Variants in GRIK2 observed in about 807,000 individuals in gnomAD.
The protein encoded by GRIK2 is glutamate receptor ionotropic, kainate 2.
GRIK2 carries 32 observed loss-of-function variants against 100.3 expected under a neutral mutation model. The observed-to-expected ratio is 0.32, with a 90% confidence interval of 0.24 to 0.43. GRIK2 has a LOEUF of 0.43. GRIK2 is among the 20% of genes least tolerant of loss of function. GRIK2 has a pLI of 1.00. For synonymous variants in GRIK2, 417 were observed against 389.4 expected, an observed-to-expected ratio of 1.07 and a Z score of -0.83; for missense variants, 843 against 1,114.9, an observed-to-expected ratio of 0.76 and a Z score of 3.47.
intron 4 of GRIK2, among the ~76,000 whole-genome samples, chr6:101,631,557 C>A (rs912382351): frequency 6.6e-6 from 1 of 152,076 alleles, no homozygotes; most frequent in Admixed American, 6.6e-5. Flanking sequence ...TCTGTGTGTC[C>A]CAAAGGAAAC....
intron 2 of GRIK2, among the ~76,000 whole-genome samples, chr6:101,586,752 T>C (rs183601684): frequency 1.3e-5 from 2 of 150,840 alleles, no homozygotes; most frequent in African/African-American, 4.9e-5. Context: ...TAGCCAGGTG[T>C]GGTGGCACAT....
intron 7 of GRIK2, among the ~76,000 whole-genome samples, chr6:101,777,745 A>G (rs979132371): frequency 4.6e-5 from 7 of 152,218 alleles, no homozygotes; most frequent in African/African-American, 1.4e-4. Context: ...TCTGAGATGT[A>G]GGAGTTCCAG....
intron 7 of GRIK2, among the ~76,000 whole-genome samples, chr6:101,780,104 T>G (rs1396234982): frequency 9.2e-5 from 14 of 152,198 alleles, no homozygotes; most frequent in Admixed American, 9.2e-4. Context: ...CCCTGAAGCA[T>G]TCTTTAGAGG....
At chr6:101,848,250 T>C (rs1191351751) in intron 10 of GRIK2, among the ~76,000 whole-genome samples, 2 of 152,116 alleles carry the variant, frequency 1.3e-5, no homozygotes, top group Non-Finnish European at 2.9e-5. Flanking sequence ...CACTAAACAT[T>C]TCCTTGTCGT....
At position 101,971,098 on chromosome 6, in the gene GRIK2, T is replaced by C. The variant is rs1026229636; in HGVS notation, c.2085+42466T>C. Among the ~76,000 whole-genome samples the C allele has an allele frequency of 3.3e-5, 5 of 150,874 alleles. 1 individual carries two copies. Among genetic ancestry groups the C allele is most frequent in the African/African-American group, 1.2e-4 (5 of 40,310 alleles). On this transcript the variant is annotated intron_variant, in intron 14 of 16. Transcript: ENST00000369134. ...TACTTCTAAATTTTAGAAAAAGTTG[T>C]GAATTTTGAAATTTTTTCAGAAATT...
At chr6:101,994,528 A>G (rs572140820) in intron 14 of GRIK2, among the ~76,000 whole-genome samples, 1 of 151,852 alleles carries the variant, frequency 6.6e-6, no homozygotes, top group Non-Finnish European at 1.5e-5. Flanking sequence ...TTATTAAATT[A>G]TGTGATTTTT....
chr6:102,048,040 G>C (rs983886613), intron 15 of GRIK2, among the ~76,000 whole-genome samples: 4 of 145,032 alleles, frequency 2.8e-5, no homozygotes, highest in African/African-American at 1.0e-4. Context: ...CAATGGAACT[G>C]TATGGAGGGT....
chr6:101,979,936 A>G (rs1582658895), intron 14 of GRIK2, among the ~76,000 whole-genome samples: 1 of 152,086 alleles, frequency 6.6e-6, no homozygotes, highest in Middle Eastern at 3.4e-3. Flanking sequence ...AGCAAGAACC[A>G]ATTAAAGCTG....
chr6:101,630,894 T>C (rs1780710083), intron 4 of GRIK2, among the ~76,000 whole-genome samples: 1 of 152,154 alleles, frequency 6.6e-6, no homozygotes, highest in South Asian at 2.1e-4. Flanking sequence ...TTATTTATTA[T>C]GTATGCTGTT....
At chr6:101,739,316 T>G (rs899051836) in intron 7 of GRIK2, among the ~76,000 whole-genome samples, 10 of 152,234 alleles carry the variant, frequency 6.6e-5, no homozygotes, top group African/African-American at 2.2e-4. Flanking sequence ...TATTTAAAAC[T>G]CTTCCATTAA....
intron 7 of GRIK2, among the ~76,000 whole-genome samples, chr6:101,719,660 G>A (rs913269750): frequency 6.6e-6 from 1 of 151,942 alleles, no homozygotes; most frequent in Non-Finnish European, 1.5e-5. Flanking sequence ...TTGTGTGGAG[G>A]TGATTGCACA....
At chr6:101,891,100 A>G (rs1787035379) in intron 12 of GRIK2, among the ~76,000 whole-genome samples, 1 of 150,536 alleles carries the variant, frequency 6.6e-6, no homozygotes, top group African/African-American at 2.5e-5. Flanking sequence ...GTATTTGTAA[A>G]TAATCGAACT....
At chr6:101,989,626 T>G (rs1425049080) in intron 14 of GRIK2, among the ~76,000 whole-genome samples, 1 of 151,648 alleles carries the variant, frequency 6.6e-6, no homozygotes, top group Non-Finnish European at 1.5e-5. Flanking sequence ...AGTAATGATT[T>G]ATTTTATAAG....
At chr6:101,695,999 A>T (rs1259023311) in intron 7 of GRIK2, among the ~76,000 whole-genome samples, 1 of 152,040 alleles carries the variant, frequency 6.6e-6, no homozygotes, top group Non-Finnish European at 1.5e-5. Flanking sequence ...AAAAAAAATC[A>T]CAAGCTGCAC....
At chr6:101,944,383 A>C (rs537472023) in intron 14 of GRIK2, among the ~76,000 whole-genome samples, 6 of 152,366 alleles carry the variant, frequency 3.9e-5, no homozygotes, top group African/African-American at 1.4e-4. Flanking sequence ...CAAGTGTCAT[A>C]GACACAGTTG....
Position 102,069,625 on chromosome 6 carries a change from G to A in GRIK2, c.*1114G>A, listed in dbSNP as rs935135867. The A allele has an allele frequency of 2.0e-5, 3 of 151,790 alleles. No homozygotes were observed. In the Admixed American group the frequency reaches 2.0e-4, roughly 10 times the overall value. The allele number at this position is 151,790 out of a possible 1,614,324, so 9.4% of individuals were successfully genotyped here. A position where few individuals can be genotyped will look rare whatever the true frequency, so the allele number is the denominator to read the frequency against. ...ACAATGTTAAATGAACAAAATTCTTGAACAGTTTTTTTTCAAAAAATGTTC... is the reference window on the plus strand; with the variant it reads ...ACAATGTTAAATGAACAAAATTCTTAAACAGTTTTTTTTCAAAAAATGTTC... On this transcript the variant is annotated 3_prime_UTR_variant, in exon 17 of 17. Coordinates refer to ENST00000369134, the MANE Select transcript of GRIK2 (RefSeq NM_021956.5).
At chr6:102,006,157 G>T (rs1270848335) in intron 14 of GRIK2, among the ~76,000 whole-genome samples, 1 of 151,584 alleles carries the variant, frequency 6.6e-6, no homozygotes, top group Non-Finnish European at 1.5e-5. Flanking sequence ...CAAGAATTCT[G>T]CTCAGTAAAT....
At chr6:101,536,375 C>A (rs955972073) in intron 2 of GRIK2, among the ~76,000 whole-genome samples, 17 of 151,350 alleles carry the variant, frequency 1.1e-4, no homozygotes, top group African/African-American at 4.1e-4. Flanking sequence ...TCTAATTCAC[C>A]CTATATGTTA....
intron 14 of GRIK2, among the ~76,000 whole-genome samples, chr6:101,944,632 G>GT (rs1334696799): frequency 2.0e-5 from 3 of 152,112 alleles, no homozygotes; most frequent in South Asian, 2.1e-4. Context: ...TTTGTTTTAT[G>GT]TTTTTTGTGC....
Sources: allele counts gnomAD v4.1 joint callset (sites outside exome capture counted in the v4.1 genomes callset), GRCh38; gene constraint gnomAD v4.1.1; transcripts MANE v1.5; gene names NCBI Gene and HGNC (gene_info 2026-07-23, HGNC 2026-07-21).